CLCN3: variants seen among roughly 807,000 people sequenced by gnomAD.
CLCN3 encodes the protein H(+)/Cl(-) exchange transporter 3.
A neutral mutation model predicts 83.4 loss-of-function variants in CLCN3; 16 were observed. The ratio of observed to expected loss-of-function variants is 0.19; its 90% confidence interval spans 0.13 to 0.29. CLCN3 has a LOEUF of 0.29. Among genes scored for constraint, CLCN3 ranks in the 10% least tolerant of loss-of-function variants. The probability of loss-of-function intolerance (pLI) is 1.00; values close to 1 mark genes in which losing one functional copy is unlikely to be tolerated. For missense variants in CLCN3, 544 were observed against 1,006.0 expected (o/e 0.54, Z 6.21); for synonymous variants, 322 against 346.2 (o/e 0.93, Z 0.78).
intron 2 of CLCN3, among the ~76,000 whole-genome samples, chr4:169,657,212 A>G (rs186184020): frequency 6.0e-4 from 92 of 152,310 alleles, no homozygotes; most frequent in East Asian, 2.9e-3. Flanking sequence ...TAAAATATGA[A>G]TAATTCCTTA....
At chr4:169,687,574 G>A (rs1732211098) in intron 3 of CLCN3, 84 bp from the exon 4 acceptor site, 1 of 863,098 alleles carries the variant, frequency 1.2e-6, no homozygotes, top group African/African-American at 1.7e-5. Flanking sequence ...TCTATGTATG[G>A]TAAATGAGAA....
intron 2 of CLCN3, among the ~76,000 whole-genome samples, chr4:169,667,139 A>G (rs1434573889): frequency 1.3e-5 from 2 of 152,114 alleles, no homozygotes; most frequent in Non-Finnish European, 2.9e-5. Flanking sequence ...AGCTCTTTAG[A>G]TCTAGGATCC....
chr4:169,659,994 A>G (rs1438749166), intron 2 of CLCN3: 21 of 906,540 alleles, frequency 2.3e-5, no homozygotes, highest in Middle Eastern at 5.5e-4. Flanking sequence ...TAATGTTTCT[A>G]TTGTTTTACT....
chr4:169,711,372 T>C (rs1733207526), intron 11 of CLCN3, among the ~76,000 whole-genome samples: 2 of 152,220 alleles, frequency 1.3e-5, no homozygotes, highest in Non-Finnish European at 1.5e-5. Flanking sequence ...TCATGCTTTT[T>C]TTATTTTTGA....
chr4:169,632,019 A>T (rs956622254), intron 1 of CLCN3, among the ~76,000 whole-genome samples: 3 of 150,902 alleles, frequency 2.0e-5, no homozygotes, highest in African/African-American at 7.3e-5. Context: ...ATTCTACTGA[A>T]ACGACTCCAA....
intron 3 of CLCN3, among the ~76,000 whole-genome samples, chr4:169,686,330 A>G (rs1732156183): frequency 6.6e-6 from 1 of 152,138 alleles, no homozygotes; most frequent in Non-Finnish European, 1.5e-5. Context: ...AATAATAAAA[A>G]AAAAAAAAGA....
intron 9 of CLCN3, among the ~76,000 whole-genome samples, chr4:169,699,289 T>G (rs1716817843): frequency 6.6e-6 from 1 of 152,230 alleles, no homozygotes; most frequent in Non-Finnish European, 1.5e-5. Flanking sequence ...GGACATTGCT[T>G]CTTTTGGATT....
intron 8 of CLCN3, among the ~76,000 whole-genome samples, chr4:169,695,940 A>T (rs1416178781): frequency 6.6e-6 from 1 of 152,234 alleles, no homozygotes; most frequent in Non-Finnish European, 1.5e-5. Context: ...CTTTGTTGAC[A>T]TATTTAAAAG....
chr4:169,622,685 G>A (rs543727558), intron 1 of CLCN3, among the ~76,000 whole-genome samples: 2 of 152,130 alleles, frequency 1.3e-5, no homozygotes, highest in South Asian at 4.2e-4. Context: ...TTTTACATTC[G>A]TAGAAACTGA....
chr4:169,672,223 T>TAGATAGATAGAC (rs1224682567), intron 2 of CLCN3, among the ~76,000 whole-genome samples: 1 of 148,376 alleles, frequency 6.7e-6, no homozygotes, highest in African/African-American at 2.5e-5. Context: ...AAATAAATGA[T>TAGATAGATAGAC]AGATAGATAG....
chr4:169,643,058 TATAAC>T (rs1213975785), intron 2 of CLCN3: 1 of 152,198 alleles, frequency 6.6e-6, no homozygotes, highest in African/African-American at 2.4e-5. Flanking sequence ...ATTTTAGAAT[TATAAC>T]AGAGCTATAT....
At chr4:169,717,945 GTCTTTCCCAGA>G in intron 12 of CLCN3, 1 of 900,694 alleles carries the variant, frequency 1.1e-6, no homozygotes, top group East Asian at 2.5e-5. Context: ...GTTGAGTTCT[GTCTTTCCCAGA>G]TATCTGCTGA....
At chr4:169,672,655 T>C (rs1342839888) in intron 2 of CLCN3, among the ~76,000 whole-genome samples, 1 of 151,878 alleles carries the variant, frequency 6.6e-6, no homozygotes, top group African/African-American at 2.4e-5. Context: ...TATATATATT[T>C]TGTTTGTTTG....
chr4:169,708,108 G>T (rs1733062403), intron 11 of CLCN3, among the ~76,000 whole-genome samples: 1 of 152,202 alleles, frequency 6.6e-6, no homozygotes, highest in South Asian at 2.1e-4. Flanking sequence ...CTGAATGGAA[G>T]TGTCAAGCCT....
At chr4:169,709,001 T>C (rs1267544331) in intron 11 of CLCN3, among the ~76,000 whole-genome samples, 1 of 148,366 alleles carries the variant, frequency 6.7e-6, no homozygotes, top group Non-Finnish European at 1.5e-5. Context: ...ATGGGAGAGA[T>C]ATATATTTCT....
At chr4:169,685,698 T>C (rs566919742) in intron 3 of CLCN3, among the ~76,000 whole-genome samples, 1 of 152,314 alleles carries the variant, frequency 6.6e-6, no homozygotes, top group South Asian at 2.1e-4. Context: ...ATCAAGCAAC[T>C]ACTTAAGTGA....
At chr4:169,660,305 A>G in intron 2 of CLCN3, 1 of 1,340,784 alleles carries the variant, frequency 7.5e-7, no homozygotes, top group Non-Finnish European at 9.5e-7. Flanking sequence ...AAGAAATGTC[A>G]CTTTCTTTTT....
intron 2 of CLCN3, among the ~76,000 whole-genome samples, chr4:169,667,809 A>G (rs1273168752): frequency 2.7e-5 from 4 of 150,722 alleles, no homozygotes; most frequent in African/African-American, 9.7e-5. Flanking sequence ...GCAGTGGCAC[A>G]ACCTCCACTC....
At chr4:169,669,661 T>C (rs1218924868) in intron 2 of CLCN3, among the ~76,000 whole-genome samples, 4 of 152,214 alleles carry the variant, frequency 2.6e-5, no homozygotes, top group Non-Finnish European at 2.9e-5. Context: ...ATCTCACTTA[T>C]AGAAAATATA....
Sources: allele counts gnomAD v4.1 joint callset (sites outside exome capture counted in the v4.1 genomes callset), GRCh38; gene constraint gnomAD v4.1.1; transcripts MANE v1.5; gene names NCBI Gene and HGNC (gene_info 2026-07-23, HGNC 2026-07-21).